The following L3MBTL4 variants were observed in gnomAD, a reference collection of about 807,000 sequenced individuals.
L3MBTL4 encodes L3MBTL histone methyl-lysine binding protein 4.
Under a neutral mutation model 84.5 loss-of-function variants are expected in L3MBTL4, and 70 were observed. That is an observed-to-expected ratio of 0.83 (90% CI 0.68 to 1.01). The LOEUF (loss-of-function observed/expected upper bound fraction) is 1.01, where lower values mean the gene tolerates loss of function less well. Among genes scored for constraint, L3MBTL4 ranks in the 50% least tolerant of loss-of-function variants. The pLI is 0.00. For synonymous variants in L3MBTL4, 274 were observed against 259.8 expected (o/e 1.05, Z -0.52); for missense variants, 715 against 754.8 (o/e 0.95, Z 0.62).
At chr18:6,082,561 C>T (rs751788173) in intron 15 of L3MBTL4, 18 of 151,990 alleles carry the variant, frequency 1.2e-4, no homozygotes, top group Non-Finnish European at 2.6e-4. Context: ...GTATTTCCCC[C>T]TCAATTTTAC....
chr18:5,995,889 C>T (rs73938706), intron 16 of L3MBTL4, among the ~76,000 whole-genome samples: 2,854 of 152,174 alleles, frequency 0.019, 75 homozygotes, highest in African/African-American at 0.065. Flanking sequence ...GCAACGCTGT[C>T]TTTGTTATTT....
chr18:6,159,466 A>C (rs2043230867), intron 13 of L3MBTL4, among the ~76,000 whole-genome samples: 1 of 152,056 alleles, frequency 6.6e-6, no homozygotes, highest in African/African-American at 2.4e-5. Context: ...CATATTCCAC[A>C]CCCCTATCTT....
rs1411457802 is a variant in L3MBTL4, at chr18:6,099,574, TAG to T, written c.1200-6048_1200-6047del. Among the ~76,000 whole-genome samples the T allele has an allele frequency of 6.6e-4, 20 of 30,532 alleles. No homozygotes were observed. The South Asian group carries it at 0.023, about 34-fold the overall frequency. 20.0% of individuals were successfully genotyped at this position (30,532 alleles called of 152,430 possible). A position where few individuals can be genotyped will look rare whatever the true frequency, so the allele number is the denominator to read the frequency against. On this transcript the variant is annotated intron_variant, in intron 14 of 18. Transcript: ENST00000317931. Reference sequence around the variant, plus strand: ...AAATTTTTATATATCTATAGATAGATAGATAATGTAAATATATATATATATAT... The same window carrying T: ...AAATTTTTATATATCTATAGATAGATATAATGTAAATATATATATATATAT...
intron 1 of L3MBTL4, among the ~76,000 whole-genome samples, chr18:6,329,892 G>T (rs538553756): frequency 6.6e-6 from 1 of 152,150 alleles, no homozygotes; most frequent in African/African-American, 2.4e-5. Flanking sequence ...TTTTGGAGGG[G>T]ACAAACATTC....
intron 1 of L3MBTL4, among the ~76,000 whole-genome samples, chr18:6,361,010 T>G (rs1324495752): frequency 7.5e-6 from 1 of 133,362 alleles, no homozygotes; most frequent in African/African-American, 3.0e-5. Flanking sequence ...AGAATAAGAC[T>G]CTACCTGATT....
At chr18:6,250,536 G>A (rs1470321755) in intron 5 of L3MBTL4, among the ~76,000 whole-genome samples, 1 of 152,120 alleles carries the variant, frequency 6.6e-6, no homozygotes, top group African/African-American at 2.4e-5. Context: ...TGATATAGCT[G>A]CAAGATTCCA....
intron 1 of L3MBTL4, among the ~76,000 whole-genome samples, chr18:6,363,174 G>A (rs1338632580): frequency 6.6e-6 from 1 of 152,280 alleles, no homozygotes; most frequent in East Asian, 1.9e-4. Context: ...TCAAGTCTCC[G>A]TTTCCTGAGT....
At chr18:5,958,356 T>C (rs2095245270) in intron 18 of L3MBTL4, among the ~76,000 whole-genome samples, 1 of 152,182 alleles carries the variant, frequency 6.6e-6, no homozygotes, top group Non-Finnish European at 1.5e-5. Flanking sequence ...GGAAACACTT[T>C]TTCCCTCGGA....
At chr18:6,088,459 G>A (rs562466755) in intron 15 of L3MBTL4, among the ~76,000 whole-genome samples, 15 of 152,156 alleles carry the variant, frequency 9.9e-5, no homozygotes, top group African/African-American at 2.7e-4. Flanking sequence ...GAGGTGAGCC[G>A]TGGGAAAGGG....
chr18:6,081,113 T>G (rs895410986), intron 15 of L3MBTL4, 162 bp from the exon 16 acceptor site: 1 of 497,992 alleles, frequency 2.0e-6, no homozygotes, highest in Non-Finnish European at 3.5e-6. Context: ...TTTAAGATTT[T>G]AAAAACACAC....
intron 1 of L3MBTL4, among the ~76,000 whole-genome samples, chr18:6,378,605 G>A (rs901893370): frequency 1.3e-5 from 2 of 152,116 alleles, no homozygotes; most frequent in African/African-American, 4.8e-5. Flanking sequence ...TTTGTGTCAG[G>A]TTTGTCAAAG....
chr18:6,142,934 C>T (rs1011099448), intron 13 of L3MBTL4, among the ~76,000 whole-genome samples: 4 of 151,996 alleles, frequency 2.6e-5, no homozygotes, highest in Admixed American at 6.6e-5. Flanking sequence ...ATGCTTGTGT[C>T]ATTCAGTAAA....
At chr18:6,046,862 A>T (rs2056645339) in intron 16 of L3MBTL4, 1 of 658,708 alleles carries the variant, frequency 1.5e-6, no homozygotes, top group Non-Finnish European at 2.8e-6. Flanking sequence ...ACAAGTATAA[A>T]CTAACCCCAA....
At chr18:6,151,480 C>T (rs563377006) in intron 13 of L3MBTL4, among the ~76,000 whole-genome samples, 1 of 152,158 alleles carries the variant, frequency 6.6e-6, no homozygotes, top group African/African-American at 2.4e-5. Flanking sequence ...GCAACCTCTG[C>T]CTCCCAGATT....
intron 1 of L3MBTL4, among the ~76,000 whole-genome samples, chr18:6,345,061 C>T (rs1016620940): frequency 1.3e-5 from 2 of 151,762 alleles, no homozygotes; most frequent in Non-Finnish European, 2.9e-5. Context: ...CTTTGCAAGT[C>T]ACATGTCTTA....
chr18:6,159,101 T>G (rs1257752876), intron 13 of L3MBTL4, among the ~76,000 whole-genome samples: 2 of 152,224 alleles, frequency 1.3e-5, no homozygotes, highest in South Asian at 2.1e-4. Flanking sequence ...CAATGTCATC[T>G]ATTTTTGGGC....
intron 11 of L3MBTL4, 139 bp from the exon 12 acceptor site, chr18:6,213,398 T>C: frequency 1.7e-6 from 1 of 574,150 alleles, no homozygotes; most frequent in South Asian, 2.6e-5. Context: ...TTTTTTGTTT[T>C]GCTTTTTTGT....
chr18:6,287,245 G>A (rs1226586963), intron 4 of L3MBTL4, among the ~76,000 whole-genome samples: 1 of 152,046 alleles, frequency 6.6e-6, no homozygotes, highest in Non-Finnish European at 1.5e-5. Flanking sequence ...CATTTAAACA[G>A]GCTGTTTTTC....
At chr18:6,094,467 A>G (rs1383984182) in intron 14 of L3MBTL4, among the ~76,000 whole-genome samples, 1 of 152,062 alleles carries the variant, frequency 6.6e-6, no homozygotes, top group Non-Finnish European at 1.5e-5. Flanking sequence ...GCCACACACA[A>G]ACACACACAC....
Sources: gnomAD v4.1 joint callset for allele counts (sites outside exome capture counted in the v4.1 genomes callset) on GRCh38, gnomAD v4.1.1 for gene constraint, MANE v1.5 for transcripts, NCBI Gene and HGNC (gene_info 2026-07-23, HGNC 2026-07-21) for gene names.